The following FBXO22 variants were observed in gnomAD, a reference collection of about 807,000 sequenced individuals.
FBXO22 encodes F-box only protein 22.
Under a neutral mutation model 37.2 loss-of-function variants are expected in FBXO22, and 13 were observed. That is an observed-to-expected ratio of 0.35 (90% CI 0.23 to 0.56). The LOEUF (loss-of-function observed/expected upper bound fraction) is 0.56. Ranked by LOEUF, FBXO22 falls within the 20% of genes least tolerant of loss-of-function variation. The pLI is 0.87. For missense variants in FBXO22, 446 were observed against 509.9 expected, an observed-to-expected ratio of 0.87 and a Z score of 1.21; for synonymous variants, 189 against 189.1, an observed-to-expected ratio of 1.00 and a Z score of 0.00.
chr15:75,909,476 A>AAGG (rs1392528183), intron 2 of FBXO22, among the ~76,000 whole-genome samples: 1 of 152,168 alleles, frequency 6.6e-6, no homozygotes, highest in East Asian at 1.9e-4. Context: ...AAGCAGTGAA[A>AAGG]AGGGAGTGAT....
Position 75,932,721 on chromosome 15 carries a change from A to C in FBXO22, c.831A>C (p.Gly277=), listed in dbSNP as rs1251661708. 6.2e-7 allele frequency: 1 copy of C among 1,612,432 alleles called. No individual in the cohort carries two copies. The highest frequency in any genetic ancestry group is 2.2e-5 in the East Asian group (1 of 44,846). The change falls in exon 7 of 7, where the codon GGA becomes GGC. Residue 277 remains glycine, a synonymous_variant. Coordinates refer to ENST00000308275, the MANE Select transcript of FBXO22 (RefSeq NM_147188.3). ...ATATTGATGCCTCGGGTGTGGTTGG[A>C]CTGTCATTTAGTGGACACCGAATCC... The part of the protein sequence containing the change: ...PLDIDASGVV[G]LSFSGHRIQS...
chr15:75,913,665 G>C (rs1244419290), intron 3 of FBXO22, among the ~76,000 whole-genome samples: 1 of 152,132 alleles, frequency 6.6e-6, no homozygotes, highest in Admixed American at 6.5e-5. Flanking sequence ...TTTTTGGCTT[G>C]CTGAGGGAAA....
In FBXO22 at chr15:75,921,127, T is replaced by C. The variant is rs536392713; in HGVS notation, c.628+3733T>C. Among the ~76,000 whole-genome samples the C allele has an allele frequency of 5.3e-5, 8 of 152,270 alleles. No homozygotes were observed. The South Asian group carries it at 1.5e-3, about 28-fold the overall frequency. On this transcript the variant is annotated intron_variant, in intron 5 of 6. Coordinates refer to ENST00000308275, the MANE Select transcript of FBXO22 (RefSeq NM_147188.3). The stretch of plus-strand genomic sequence containing the variant: ...TTACTGTACTGAATACTGTAGGCAG[T>C]TGTAACACAATGGTAAGTATTGGTG...
At position 75,939,669 on chromosome 15, in the gene FBXO22, T is replaced by G. The variant is rs1287440645; in HGVS notation, c.*6567T>G. On this transcript the variant is annotated 3_prime_UTR_variant, in exon 7 of 7. Transcript: ENST00000308275. ...CTAGGAAACTGAATTTAGCAGCATATTAAAAGGATTGTACACCACGACCAA... is the reference window on the plus strand; with the variant it reads ...CTAGGAAACTGAATTTAGCAGCATAGTAAAAGGATTGTACACCACGACCAA... 1 of 152,172 alleles carries G rather than the reference T, an allele frequency of 6.6e-6. No homozygotes were observed. Among genetic ancestry groups the G allele is most frequent in the Non-Finnish European group, 1.5e-5 (1 of 68,008 alleles). The allele number at this position is 152,172 out of a possible 1,614,324, so 9.4% of individuals were successfully genotyped here.
At chr15:75,921,378 T>A (rs1200245183) in intron 5 of FBXO22, among the ~76,000 whole-genome samples, 1 of 152,158 alleles carries the variant, frequency 6.6e-6, no homozygotes, top group East Asian at 1.9e-4. Context: ...ACATTTTTGT[T>A]TGGCCGGGCA....
Position 75,930,563 on chromosome 15 carries a change from TA to T in FBXO22, c.794+515del. 9.1e-6 allele frequency: 9 copies of T among 986,146 alleles called. No individual in the cohort carries two copies. In the South Asian group the frequency reaches 3.8e-4, roughly 41 times the overall value. 61.1% of individuals were successfully genotyped at this position (986,146 alleles called of 1,614,324 possible). A position where few individuals can be genotyped will look rare whatever the true frequency, so the allele number is the denominator to read the frequency against. On this transcript the variant is annotated intron_variant, in intron 6 of 6. Transcript: ENST00000308275. ...GTACTGGTTTTTGGAAATTCTGTAT[TA>T]GATCTTTTGAAAGGCTTTTTCAAGC... is the stretch of plus-strand genomic sequence containing the variant.
At chr15:75,908,947 A>G (rs1299038781) in intron 2 of FBXO22, among the ~76,000 whole-genome samples, 1 of 152,240 alleles carries the variant, frequency 6.6e-6, no homozygotes, top group Non-Finnish European at 1.5e-5. Context: ...TTATCTATGT[A>G]GAATGTATTC....
rs142845079 is a variant in FBXO22, at chr15:75,924,900, ACTTT to A, written c.629-4980_629-4977del. Among the ~76,000 whole-genome samples the A allele has an allele frequency of 3.0e-4, 45 of 152,242 alleles. No individual in the cohort carries two copies. The East Asian group carries it at 6.9e-3, about 23-fold the overall frequency. On this transcript the variant is annotated intron_variant, in intron 5 of 6. Coordinates refer to ENST00000308275, the MANE Select transcript of FBXO22 (RefSeq NM_147188.3). ...TTTTCCTTTTACAAATATCCTTCTG[ACTTT>A]CTTCTAGGTGAAGCACAAACCTGTA...
At chr15:75,917,143 TAGCTTAATGA>T in intron 4 of FBXO22, 77 bp from the exon 5 acceptor site, 1 of 944,330 alleles carries the variant, frequency 1.1e-6, no homozygotes, top group Non-Finnish European at 1.6e-6. Flanking sequence ...AGTGGCTTGT[TAGCTTAATGA>T]TTATCTTAGT....
Position 75,917,349 on chromosome 15 carries a change from G to A in FBXO22, c.583G>A (p.Asp195Asn). Reference protein sequence around the residue: ...IKIQPFHFIKDPKNLTLERHQ... With the variant: ...IKIQPFHFIKNPKNLTLERHQ... ...AATACAACCCTTTCATTTTATTAAG[G>A]ATCCAAAGAATTTAACATTAGAAAG... The change falls in exon 5 of 7, where the codon GAT becomes AAT. Residue 195 changes from aspartate to asparagine, a missense_variant. Asp to Asn is a conservative substitution (Grantham distance 23). This residue lies in a region of FBXO22 where 315 missense variants were observed against 410.1 expected (regional missense o/e 0.77). Transcript: ENST00000308275. 1 of 1,606,598 alleles carries A rather than the reference G, an allele frequency of 6.2e-7. No individual in the cohort carries two copies. Among genetic ancestry groups the A allele is most frequent in the Admixed American group, 1.7e-5 (1 of 59,556 alleles).
chr15:75,918,386 G>A (rs1900237970), intron 5 of FBXO22, among the ~76,000 whole-genome samples: 1 of 151,988 alleles, frequency 6.6e-6, no homozygotes, highest in African/African-American at 2.4e-5. Context: ...AGAGGCATTA[G>A]CAGCAAAGAC....
chr15:75,920,769 G>A (rs1226330099), intron 5 of FBXO22, among the ~76,000 whole-genome samples: 1 of 152,110 alleles, frequency 6.6e-6, no homozygotes, highest in Non-Finnish European at 1.5e-5. Flanking sequence ...GTTGCCGTGA[G>A]CTGAAGTCAC....
Position 75,941,940 on chromosome 15 carries a change from C to CAAA in FBXO22, c.*8857_*8859dup, listed in dbSNP as rs780414439. The stretch of plus-strand genomic sequence containing the variant: ...TTGCCACAGTAAATTTTTAAACCAC[C>CAAA]AAAAAAAAAAAAAAAAAAAAATATG... On this transcript the variant is annotated 3_prime_UTR_variant, in exon 7 of 7. Transcript: ENST00000308275. 780 of 24,592 alleles carry CAAA rather than the reference C, an allele frequency of 0.032. 7 individuals carry two copies. Among genetic ancestry groups the CAAA allele is most frequent in the African/African-American group, 0.059 (526 of 8,986 alleles). 1.5% of individuals were successfully genotyped at this position (24,592 alleles called of 1,614,324 possible). A position where few individuals can be genotyped will look rare whatever the true frequency, so the allele number is the denominator to read the frequency against.
chr15:75,904,124 C>T (rs769114193), intron 1 of FBXO22, 21 bp downstream of exon 1: 12 of 1,525,402 alleles, frequency 7.9e-6, no homozygotes, highest in East Asian at 7.4e-5. Context: ...GAGGCGGAGG[C>T]GGGAAGCTTG....
chr15:75,904,847 G>C lies in FBXO22; in HGVS notation c.279+218G>C, dbSNP rs113911592. Among the ~76,000 whole-genome samples the C allele has an allele frequency of 5.6e-3, 644 of 114,752 alleles. 6 individuals carry two copies. Among genetic ancestry groups the C allele is most frequent in the African/African-American group, 0.02 (616 of 30,058 alleles). 75.3% of individuals were successfully genotyped at this position (114,752 alleles called of 152,430 possible). A position where few individuals can be genotyped will look rare whatever the true frequency, so the allele number is the denominator to read the frequency against. On this transcript the variant is annotated intron_variant, in intron 2 of 6. Transcript: ENST00000308275. ...GGGCCTTTTTTTTTTTTTTTGAGAC[G>C]TAGTCTCGCTCTGTGGCCCAGGCTG... is the stretch of plus-strand genomic sequence containing the variant.
intron 5 of FBXO22, among the ~76,000 whole-genome samples, chr15:75,917,973 C>T (rs539845757): frequency 3.3e-5 from 5 of 152,252 alleles, no homozygotes; most frequent in African/African-American, 1.2e-4. Flanking sequence ...AAAGGGTTGG[C>T]TTAATGTCTA....
Position 75,932,840 on chromosome 15 carries a change from A to C in FBXO22, c.950A>C (p.His317Pro). 6.2e-7 allele frequency: 1 copy of C among 1,614,268 alleles called. No homozygotes were observed. The change falls in exon 7 of 7, where the codon CAT becomes CCT. Residue 317 changes from histidine (H) to proline (P), a missense_variant. Around this residue, in one of 2 missense-constraint regions of FBXO22, gnomAD observed 315 missense variants for 410.1 expected, o/e 0.77. Transcript: ENST00000308275. ...CTCAAAGCGGCCAACATTCCAGAGC[A>C]TAACACCATTGGCTTCATGTTTGCA... ...QRLKAANIPE[H>P]NTIGFMFACV...
intron 1 of FBXO22, 123 bp from the exon 2 acceptor site, chr15:75,904,368 C>A: frequency 7.0e-7 from 1 of 1,437,544 alleles, no homozygotes; most frequent in Admixed American, 2.0e-5. Flanking sequence ...CACCTACCTA[C>A]CCCGGGGACT....
intron 6 of FBXO22, chr15:75,930,762 T>C: frequency 1.0e-6 from 1 of 985,454 alleles, no homozygotes; most frequent in Non-Finnish European, 1.2e-6. Context: ...AGCAGGAAAA[T>C]CAGACCCTAC....
Sources: gnomAD v4.1 joint callset for allele counts (sites outside exome capture counted in the v4.1 genomes callset) on GRCh38, gnomAD v4.1.1 for gene constraint, gnomAD v4.1.1 regional missense constraint, MANE v1.5 for transcripts, NCBI Gene and HGNC (gene_info 2026-07-23, HGNC 2026-07-21) for gene names.